Variants in DENND4C observed in about 807,000 individuals in gnomAD.
The protein encoded by DENND4C is DENN domain containing 4C, also known as DENN domain-containing protein 4C.
DENND4C carries 108 observed loss-of-function variants against 203.0 expected under a neutral mutation model. The ratio of observed to expected loss-of-function variants is 0.53; its 90% CI spans 0.46 to 0.62. The LOEUF (loss-of-function observed/expected upper bound fraction) is 0.62, where lower values mean the gene tolerates loss of function less well. Ranked by LOEUF, DENND4C falls within the 20% of genes least tolerant of loss-of-function variation. The pLI, the probability that DENND4C is intolerant of heterozygous loss-of-function variation, is 0.00. For synonymous variants in DENND4C, 871 were observed against 792.4 expected, an observed-to-expected ratio of 1.10 and a Z score of -1.67; for missense variants, 2,481 against 2,301.2, an observed-to-expected ratio of 1.08 and a Z score of -1.60.
chr9:19,304,547 T>G (rs1322789750), intron 9 of DENND4C, among the ~76,000 whole-genome samples: 2 of 150,830 alleles, frequency 1.3e-5, no homozygotes, highest in East Asian at 2.0e-4. Flanking sequence ...ACGAATTTTT[T>G]TTTTTTTGAG....
Position 19,346,314 on chromosome 9 carries a change from A to G in DENND4C, c.3545A>G (p.Glu1182Gly). The change falls in exon 23 of 33, where the codon GAG (glutamate) becomes GGG (glycine). Residue 1182 changes from glutamate (E) to glycine (G), a missense_variant. Physicochemically the swap from Glu to Gly is moderately conservative, Grantham distance 98. This residue lies in a region of DENND4C where 2,289 missense variants were observed against 2,113.3 expected (regional missense o/e 1.08). Transcript: ENST00000434457. ...HRSSPVPEML[E>G]ESQELLEPVV... is the part of the protein sequence containing the mutation. ...TCATCTCCGGTGCCAGAGATGCTTG[A>G]GGAAAGCCAAGAACTCCTTGAGCCT... The G allele has an allele frequency of 6.2e-7, 1 of 1,614,194 alleles. No individual in the cohort carries two copies. Among genetic ancestry groups the G allele is most frequent in the Non-Finnish European group, 8.5e-7 (1 of 1,180,024 alleles).
At chr9:19,369,779 ATAAT>A (rs1828424315) in intron 30 of DENND4C, 54 bp from the exon 31 acceptor site, 7 of 741,130 alleles carry the variant, frequency 9.4e-6, no homozygotes, top group South Asian at 5.8e-5. Context: ...AAAAAAAAAA[ATAAT>A]AATAATAATA....
chr9:19,287,324 G>C (rs1835387646), intron 3 of DENND4C, among the ~76,000 whole-genome samples: 1 of 152,182 alleles, frequency 6.6e-6, no homozygotes, highest in Non-Finnish European at 1.5e-5. Context: ...TGTGGGGTTA[G>C]AGTGGGTAGA....
rs182103817 is a variant in DENND4C, at chr9:19,284,592, C to T, written c.306-2177C>T. ...TCTGCCATATATGTGTTTTTTTAAT[C>T]CACATCCCATCAACAAAGTATGTGG... On this transcript the variant is annotated intron_variant, in intron 2 of 32. Coordinates refer to ENST00000434457, the MANE Select transcript of DENND4C (RefSeq NM_001330640.2). Among the ~76,000 whole-genome samples, 44 of 151,954 alleles carry T rather than the reference C, an allele frequency of 2.9e-4. No individual in the cohort carries two copies. In the East Asian group the frequency reaches 7.5e-3, roughly 26 times the overall value.
intron 2 of DENND4C, among the ~76,000 whole-genome samples, chr9:19,277,892 T>A (rs1182099340): frequency 3.3e-5 from 5 of 152,170 alleles, no homozygotes; most frequent in African/African-American, 1.2e-4. Context: ...TCAGATGCCT[T>A]TTGTCAATTG....
chr9:19,270,769 G>A (rs1400539331), intron 1 of DENND4C, among the ~76,000 whole-genome samples: 1 of 152,086 alleles, frequency 6.6e-6, no homozygotes, highest in Non-Finnish European at 1.5e-5. Flanking sequence ...GAAAAAAAAG[G>A]CAGCTACAAT....
At chr9:19,352,211 A>G in intron 25 of DENND4C, 29 bp downstream of exon 25, 1 of 1,562,562 alleles carries the variant, frequency 6.4e-7, no homozygotes, top group Non-Finnish European at 8.8e-7. Flanking sequence ...GTTCATGATA[A>G]AGTAGCTGTA....
intron 9 of DENND4C, among the ~76,000 whole-genome samples, chr9:19,302,861 G>C (rs1481312559): frequency 6.6e-6 from 1 of 152,040 alleles, no homozygotes; most frequent in African/African-American, 2.4e-5. Context: ...ATATCCCCTT[G>C]GCTAAATCTC....
At chr9:19,269,493 C>G (rs955904551) in intron 1 of DENND4C, among the ~76,000 whole-genome samples, 7 of 152,180 alleles carry the variant, frequency 4.6e-5, no homozygotes, top group Non-Finnish European at 8.8e-5. Context: ...TGTCTTCAAG[C>G]TCATGATTTC....
intron 17 of DENND4C, among the ~76,000 whole-genome samples, 172 bp from the exon 18 acceptor site, chr9:19,334,805 G>A (rs1320277625): frequency 1.3e-5 from 2 of 152,156 alleles, no homozygotes; most frequent in African/African-American, 4.8e-5. Context: ...TGAGGCGTGA[G>A]CCACTGTGCC....
In DENND4C at chr9:19,252,671, T is replaced by C. The variant is rs534721832; in HGVS notation, c.-18+21838T>C. Among the ~76,000 whole-genome samples the C allele has an allele frequency of 2.6e-5, 4 of 152,032 alleles. No homozygotes were observed. In the South Asian group the frequency reaches 8.3e-4, roughly 31 times the overall value. On this transcript the variant is annotated intron_variant, in intron 1 of 32. Transcript: ENST00000434457. The stretch of plus-strand genomic sequence containing the variant: ...GATAGCTTCATTGGCTCACATATCT[T>C]TATTGGTAAAGCTAGGCATTTAACC...
intron 1 of DENND4C, among the ~76,000 whole-genome samples, chr9:19,256,052 A>G (rs1330451485): frequency 6.6e-6 from 1 of 151,950 alleles, no homozygotes; most frequent in Non-Finnish European, 1.5e-5. Context: ...AGGCTGGGCA[A>G]CATAGCAAGA....
chr9:19,352,387 AATT>A lies in DENND4C; in HGVS notation c.4606-102_4606-100del, dbSNP rs1368047543. The A allele has an allele frequency of 4.0e-6, 5 of 1,236,500 alleles. No homozygotes were observed. In the Middle Eastern group the frequency reaches 6.6e-4, roughly 163 times the overall value. 76.6% of individuals were successfully genotyped at this position (1,236,500 alleles called of 1,614,324 possible). On this transcript the variant is annotated intron_variant, in intron 25 of 32. Coordinates refer to ENST00000434457, the MANE Select transcript of DENND4C (RefSeq NM_001330640.2). ...AAAAGAACTGTTATTAATAATTCCAAATTTGATCAGTAGAATAAAAAAAATCCC... is the reference window on the plus strand; with the variant it reads ...AAAAGAACTGTTATTAATAATTCCAATGATCAGTAGAATAAAAAAAATCCC...
chr9:19,240,463 C>G (rs868518044), intron 1 of DENND4C, among the ~76,000 whole-genome samples: 8 of 151,654 alleles, frequency 5.3e-5, no homozygotes, highest in Middle Eastern at 7.0e-3. Context: ...GTCAGGAGTT[C>G]GAGACCAGCC....
chr9:19,256,886 T>C lies in DENND4C; in HGVS notation c.-17-19272T>C, dbSNP rs1308523792. Among the ~76,000 whole-genome samples the C allele has an allele frequency of 2.6e-5, 4 of 151,572 alleles. No individual in the cohort carries two copies. The East Asian group carries it at 5.9e-4, about 22-fold the overall frequency. On this transcript the variant is annotated intron_variant, in intron 1 of 32. Coordinates refer to ENST00000434457, the MANE Select transcript of DENND4C (RefSeq NM_001330640.2). ...GAGATCGAGACCATCCTGGCTAACA[T>C]GGTGAAACCCTGTTGCTACTAAAAA...
chr9:19,302,877 T>G (rs576094188), intron 9 of DENND4C, among the ~76,000 whole-genome samples: 3 of 152,226 alleles, frequency 2.0e-5, no homozygotes, highest in Non-Finnish European at 4.4e-5. Context: ...ATCTCTCACC[T>G]TCTTCAGGTT....
intron 20 of DENND4C, 76 bp from the exon 21 acceptor site, chr9:19,340,916 A>T: frequency 8.6e-7 from 1 of 1,161,284 alleles, no homozygotes; most frequent in South Asian, 3.0e-5. Flanking sequence ...GATCAGTGGA[A>T]TTTTCTTGTG....
chr9:19,233,531 T>A (rs1288419978), intron 1 of DENND4C, among the ~76,000 whole-genome samples: 1 of 151,954 alleles, frequency 6.6e-6, no homozygotes, highest in Non-Finnish European at 1.5e-5. Context: ...AGTATGTGGA[T>A]GTAATAGAGC....
chr9:19,334,772 C>T (rs767499160), intron 17 of DENND4C, among the ~76,000 whole-genome samples: 9 of 152,096 alleles, frequency 5.9e-5, no homozygotes, highest in Non-Finnish European at 1.0e-4. Context: ...GTGATCCACC[C>T]GTCTCAGCCT....
Sources: gnomAD v4.1 joint callset for allele counts (sites outside exome capture counted in the v4.1 genomes callset) on GRCh38, gnomAD v4.1.1 for gene constraint, gnomAD v4.1.1 regional missense constraint, MANE v1.5 for transcripts, NCBI Gene and HGNC (gene_info 2026-07-23, HGNC 2026-07-21) for gene names.